The following SLC35F1 variants were observed in gnomAD, a reference collection of about 807,000 sequenced individuals.
The protein encoded by SLC35F1 is solute carrier family 35 member F1.
In SLC35F1, 14 loss-of-function variants were observed where a neutral mutation model predicts 48.7. That is an observed-to-expected ratio of 0.29 (90% CI 0.19 to 0.45). The LOEUF (loss-of-function observed/expected upper bound fraction) is 0.45, where lower values mean the gene tolerates loss of function less well. SLC35F1 is among the 20% of genes least tolerant of loss of function. SLC35F1 has a pLI of 1.00. For missense variants in SLC35F1, 404 were observed against 500.0 expected (o/e 0.81, Z 1.83); for synonymous variants, 190 against 202.2 (o/e 0.94, Z 0.51).
chr6:117,988,379 C>A (rs1489750816), intron 1 of SLC35F1, among the ~76,000 whole-genome samples: 1 of 152,106 alleles, frequency 6.6e-6, no homozygotes, highest in African/African-American at 2.4e-5. Flanking sequence ...ATTCAGTTAA[C>A]TTTCTTAATT....
chr6:118,181,762 T>C (rs1774581261), intron 2 of SLC35F1, among the ~76,000 whole-genome samples: 1 of 151,984 alleles, frequency 6.6e-6, no homozygotes, highest in South Asian at 2.1e-4. Flanking sequence ...AAAAATAAAT[T>C]TGGTAAACTC....
At chr6:118,295,435 C>G (rs917620883) in intron 7 of SLC35F1, among the ~76,000 whole-genome samples, 2 of 152,134 alleles carry the variant, frequency 1.3e-5, no homozygotes, top group Non-Finnish European at 2.9e-5. Flanking sequence ...ATCAACTATC[C>G]TTAACATCTG....
chr6:118,024,071 C>T (rs887554310), intron 1 of SLC35F1, among the ~76,000 whole-genome samples: 4 of 152,102 alleles, frequency 2.6e-5, no homozygotes, highest in Non-Finnish European at 2.9e-5. Flanking sequence ...TTACTATACT[C>T]GGACTTTATA....
At chr6:118,013,721 TC>T (rs1266068373) in intron 1 of SLC35F1, among the ~76,000 whole-genome samples, 3 of 152,208 alleles carry the variant, frequency 2.0e-5, no homozygotes, top group Admixed American at 6.5e-5. Flanking sequence ...TTATTTTTTT[TC>T]ATTGAATTGA....
chr6:118,184,461 G>A (rs1340739155), intron 2 of SLC35F1, among the ~76,000 whole-genome samples: 2 of 152,142 alleles, frequency 1.3e-5, no homozygotes, highest in Non-Finnish European at 2.9e-5. Context: ...TCCAACTTCT[G>A]AGTAAGCAAC....
At chr6:118,183,150 A>G (rs1363519982) in intron 2 of SLC35F1, among the ~76,000 whole-genome samples, 1 of 152,208 alleles carries the variant, frequency 6.6e-6, no homozygotes, top group Admixed American at 6.5e-5. Flanking sequence ...TACCACTAGC[A>G]GTAAAGTTCT....
intron 1 of SLC35F1, among the ~76,000 whole-genome samples, chr6:118,084,436 T>C (rs1772955453): frequency 6.6e-6 from 1 of 152,158 alleles, no homozygotes; most frequent in South Asian, 2.1e-4. Context: ...TTCTAAACGA[T>C]ACAAGGCTGT....
chr6:118,124,071 G>A (rs559314971), intron 1 of SLC35F1, among the ~76,000 whole-genome samples: 1 of 152,258 alleles, frequency 6.6e-6, no homozygotes, highest in Non-Finnish European at 1.5e-5. Context: ...GACACTCATA[G>A]TCTCAGGGTA....
chr6:118,105,516 G>A (rs1208844220), intron 1 of SLC35F1, among the ~76,000 whole-genome samples: 1 of 152,156 alleles, frequency 6.6e-6, no homozygotes, highest in Non-Finnish European at 1.5e-5. Context: ...TCACACCGTG[G>A]TCATTCTTTG....
At chr6:117,958,929 G>T (rs534316349) in intron 1 of SLC35F1, among the ~76,000 whole-genome samples, 3 of 152,274 alleles carry the variant, frequency 2.0e-5, no homozygotes, top group Non-Finnish European at 4.4e-5. Context: ...TTTGCATTTT[G>T]AGAATATCTA....
intron 2 of SLC35F1, among the ~76,000 whole-genome samples, chr6:118,217,094 T>C (rs1459835538): frequency 3.9e-5 from 6 of 152,220 alleles, no homozygotes; most frequent in Non-Finnish European, 2.9e-5. Flanking sequence ...ACATGATTTA[T>C]TTATAAAGGA....
intron 1 of SLC35F1, among the ~76,000 whole-genome samples, chr6:118,149,573 A>G (rs1193015646): frequency 6.6e-6 from 1 of 152,166 alleles, no homozygotes; most frequent in African/African-American, 2.4e-5. Context: ...CAATAGCTAC[A>G]ATATCTAGCT....
chr6:117,920,306 CG>C (rs997761235), intron 1 of SLC35F1, among the ~76,000 whole-genome samples: 15 of 152,132 alleles, frequency 9.9e-5, no homozygotes, highest in African/African-American at 3.6e-4. Flanking sequence ...GAGGACCGGA[CG>C]GGGGCGAGTG....
At chr6:118,224,799 G>A (rs1027978047) in intron 2 of SLC35F1, among the ~76,000 whole-genome samples, 7 of 152,104 alleles carry the variant, frequency 4.6e-5, no homozygotes, top group Non-Finnish European at 8.8e-5. Context: ...CAGTTCTAAA[G>A]TTTTTTGGTG....
At chr6:117,956,404 C>T (rs1405139292) in intron 1 of SLC35F1, among the ~76,000 whole-genome samples, 1 of 152,208 alleles carries the variant, frequency 6.6e-6, no homozygotes, top group South Asian at 2.1e-4. Context: ...AGCAATGGTG[C>T]TGTCTTTTGA....
intron 3 of SLC35F1, among the ~76,000 whole-genome samples, chr6:118,255,252 T>C (rs1031507282): frequency 1.3e-5 from 2 of 152,194 alleles, no homozygotes; most frequent in African/African-American, 4.8e-5. Context: ...CTACTATCTT[T>C]AGAACTCCAT....
At chr6:118,307,319 A>G (rs1776323190) in intron 7 of SLC35F1, among the ~76,000 whole-genome samples, 1 of 152,180 alleles carries the variant, frequency 6.6e-6, no homozygotes, top group African/African-American at 2.4e-5. Flanking sequence ...CTTACTCTCT[A>G]AAGACAACTG....
chr6:118,153,066 A>G (rs1774086209), intron 1 of SLC35F1, among the ~76,000 whole-genome samples: 1 of 152,216 alleles, frequency 6.6e-6, no homozygotes, highest in African/African-American at 2.4e-5. Flanking sequence ...AAGCAGATGG[A>G]ATGAACAAAA....
At chr6:118,286,900 G>A (rs1345912572) in intron 7 of SLC35F1, among the ~76,000 whole-genome samples, 1 of 151,618 alleles carries the variant, frequency 6.6e-6, no homozygotes, top group Non-Finnish European at 1.5e-5. Flanking sequence ...CTGTATGTTA[G>A]GTCTCCAGAA....
Sources: allele counts gnomAD v4.1 joint callset (sites outside exome capture counted in the v4.1 genomes callset), GRCh38; gene constraint gnomAD v4.1.1; transcripts MANE v1.5; gene names NCBI Gene and HGNC (gene_info 2026-07-23, HGNC 2026-07-21).